The following HMCN2 variants were observed in gnomAD, a reference collection of about 807,000 sequenced individuals.
HMCN2 encodes hemicentin 2.
HMCN2 carries 325 observed loss-of-function variants against 377.5 expected under a neutral mutation model. The observed-to-expected ratio is 0.86, with a 90% confidence interval of 0.79 to 0.94. HMCN2 has a LOEUF of 0.94. Among genes scored for constraint, HMCN2 ranks in the 40% least tolerant of loss-of-function variants. HMCN2 has a pLI of 0.00. For missense variants in HMCN2, 4,543 were observed against 4,725.3 expected, an observed-to-expected ratio of 0.96 and a Z score of 1.13; for synonymous variants, 2,007 against 2,046.8, an observed-to-expected ratio of 0.98 and a Z score of 0.53.
At chr9:130,277,029 G>A in intron 1 of HMCN2, among the ~76,000 whole-genome samples, 1 of 152,250 alleles carries the variant, frequency 6.6e-6, no homozygotes, top group East Asian at 1.9e-4. Flanking sequence ...GTGCCTGACT[G>A]CAGCCTTGAC....
intron 53 of HMCN2, among the ~76,000 whole-genome samples, chr9:130,378,156 G>A (rs997807604): frequency 5.3e-5 from 8 of 151,838 alleles, no homozygotes; most frequent in African/African-American, 1.9e-4. Flanking sequence ...GCTGAGTGGC[G>A]GCCTCAATGG....
At chr9:130,341,756 C>T (rs1839056967) in intron 24 of HMCN2, among the ~76,000 whole-genome samples, 9 of 152,104 alleles carry the variant, frequency 5.9e-5, no homozygotes, top group Non-Finnish European at 8.8e-5. Context: ...TCTCTGACCC[C>T]GGTTTTCTCA....
In HMCN2 at chr9:130,428,592, A is replaced by G. The variant is rs1016456854; in HGVS notation, c.14197+103A>G. ...GTGTGTCACTGGGCTCTGGGCTTCCAGGAAGACTGGGACTCTTGGCAGAAG... is the reference window on the plus strand; with the variant it reads ...GTGTGTCACTGGGCTCTGGGCTTCCGGGAAGACTGGGACTCTTGGCAGAAG... On this transcript the variant is annotated intron_variant, in intron 93 of 97. Coordinates refer to ENST00000683500, the MANE Select transcript of HMCN2 (RefSeq NM_001291815.2). The surrounding 1 kb of genome is among the most constrained non-coding windows in gnomAD (Gnocchi z 5.0). 4.9e-6 allele frequency: 7 copies of G among 1,427,716 alleles called. No homozygotes were observed. The highest frequency in any genetic ancestry group is 6.6e-6 in the Non-Finnish European group (7 of 1,065,770). The allele number at this position is 1,427,716 out of a possible 1,614,324, so 88.4% of individuals were successfully genotyped here. A position where few individuals can be genotyped will look rare whatever the true frequency, so the allele number is the denominator to read the frequency against.
chr9:130,283,027 T>C (rs1554926284), intron 1 of HMCN2, among the ~76,000 whole-genome samples: 1 of 152,126 alleles, frequency 6.6e-6, no homozygotes, highest in African/African-American at 2.4e-5. Context: ...GCCGAGATCA[T>C]GCCACTATAC....
chr9:130,329,872 C>A (rs914604472), intron 22 of HMCN2, among the ~76,000 whole-genome samples: 3 of 151,996 alleles, frequency 2.0e-5, no homozygotes, highest in Admixed American at 6.5e-5. Context: ...CACCACACCC[C>A]CTCCGTCCCT....
chr9:130,363,241 G>A (rs760757354), intron 40 of HMCN2, among the ~76,000 whole-genome samples: 18 of 152,234 alleles, frequency 1.2e-4, no homozygotes, highest in Non-Finnish European at 1.8e-4. Flanking sequence ...AGGGAGACGC[G>A]GAAGGGGTGT....
intron 95 of HMCN2, chr9:130,431,069 G>C: frequency 2.0e-6 from 1 of 509,328 alleles, no homozygotes; most frequent in Non-Finnish European, 3.5e-6. Context: ...AGAGGAGGTG[G>C]CCTGCCCCAG....
chr9:130,350,930 T>G (rs1160447708), intron 29 of HMCN2, among the ~76,000 whole-genome samples: 1 of 152,014 alleles, frequency 6.6e-6, no homozygotes, highest in Non-Finnish European at 1.5e-5. Flanking sequence ...TGCAGTGTAG[T>G]GGCATTTAGT....
intron 57 of HMCN2, among the ~76,000 whole-genome samples, chr9:130,383,968 T>A (rs186613414): frequency 5.0e-4 from 76 of 151,042 alleles, no homozygotes; most frequent in Non-Finnish European, 1.0e-3. Context: ...CAGAGAGGAG[T>A]GGGATTGGGG....
chr9:130,338,849 C>A (rs916651853), intron 23 of HMCN2, among the ~76,000 whole-genome samples: 5 of 152,326 alleles, frequency 3.3e-5, no homozygotes, highest in Admixed American at 1.3e-4. Context: ...GCACAAAAAA[C>A]CAACTAAATA....
rs1045217073 is a variant in HMCN2 at position 130,351,589 on chromosome 9, C to T, written c.4585+12C>T. On this transcript the variant is annotated intron_variant, in intron 30 of 97. Transcript: ENST00000683500. The surrounding 1 kb of genome is among the most constrained non-coding windows in gnomAD (Gnocchi z 5.4). ...GCTCCGAGTTCATGGTGAGCCCCCACGCCTTCTGGGACCCCGCCACAGGCT... is the reference window on the plus strand; with the variant it reads ...GCTCCGAGTTCATGGTGAGCCCCCATGCCTTCTGGGACCCCGCCACAGGCT... The T allele has an allele frequency of 4.5e-5, 58 of 1,297,840 alleles. No homozygotes were observed. In the Middle Eastern group the frequency reaches 8.5e-4, roughly 19 times the overall value. The allele number at this position is 1,297,840 out of a possible 1,614,324, so 80.4% of individuals were successfully genotyped here.
chr9:130,392,250 TGC>T, intron 66 of HMCN2, 132 bp downstream of exon 66: 1 of 600,536 alleles, frequency 1.7e-6, no homozygotes. Context: ...GAGTGTGGAC[TGC>T]GCCCCAGATG....
chr9:130,296,127 G>T (rs535979630), intron 6 of HMCN2, among the ~76,000 whole-genome samples: 1 of 152,198 alleles, frequency 6.6e-6, no homozygotes, highest in African/African-American at 2.4e-5. Context: ...GAAGAGGAGG[G>T]CCCTGCTATA....
intron 14 of HMCN2, among the ~76,000 whole-genome samples, chr9:130,309,542 A>T (rs1837102105): frequency 6.6e-6 from 1 of 151,408 alleles, no homozygotes; most frequent in South Asian, 2.1e-4. Flanking sequence ...AAAAAAGGAA[A>T]AAAAAGAAAA....
chr9:130,373,959 G>A (rs1329117428), intron 48 of HMCN2, among the ~76,000 whole-genome samples: 9 of 151,908 alleles, frequency 5.9e-5, no homozygotes, highest in Non-Finnish European at 2.9e-5. Flanking sequence ...TAGGTAGATG[G>A]TTGGATGGTT....
intron 61 of HMCN2, 105 bp from the exon 62 acceptor site, chr9:130,388,304 C>T: frequency 1.3e-6 from 1 of 747,008 alleles, no homozygotes; most frequent in Non-Finnish European, 1.6e-6. Context: ...AGAATGGGAA[C>T]TCCTAACTAC....
chr9:130,396,759 G>A (rs1170700169), intron 73 of HMCN2, among the ~76,000 whole-genome samples: 1 of 152,198 alleles, frequency 6.6e-6, no homozygotes, highest in Non-Finnish European at 1.5e-5. Context: ...GGCCCAGCCT[G>A]AGTGATGTGT....
rs920184195 is a variant in HMCN2 at position 130,393,245 on chromosome 9, C to T, written c.10170C>T (p.Ile3390=). 3 of 988,422 alleles carry T rather than the reference C, an allele frequency of 3.0e-6. No homozygotes were observed. The highest frequency in any genetic ancestry group is 3.6e-6 in the Non-Finnish European group (3 of 830,448). The allele number at this position is 988,422 out of a possible 1,614,324, so 61.2% of individuals were successfully genotyped here. The change falls in exon 67 of 98, where the codon ATC becomes ATT. Residue 3390 remains isoleucine (I), a synonymous_variant. Transcript: ENST00000683500. The surrounding 1 kb of genome is among the most constrained non-coding windows in gnomAD (Gnocchi z 5.2). ...ISKVQLADAG[I]FTCVAASPAG... The stretch of plus-strand genomic sequence containing the variant: ...AGGTGCAATTGGCAGACGCTGGCAT[C>T]TTCACCTGTGTGGCCGCAAGCCCAG...
intron 1 of HMCN2, among the ~76,000 whole-genome samples, chr9:130,270,964 G>A (rs1819106834): frequency 6.7e-6 from 1 of 149,018 alleles, no homozygotes; most frequent in African/African-American, 2.4e-5. Context: ...TCCTCAGGTT[G>A]TGAGTTTCTC....
Sources: allele counts gnomAD v4.1 joint callset (sites outside exome capture counted in the v4.1 genomes callset), GRCh38; gene constraint gnomAD v4.1.1; non-coding constraint Gnocchi (gnomAD v3.1); transcripts MANE v1.5; gene names NCBI Gene and HGNC (gene_info 2026-07-23, HGNC 2026-07-21).